Variants in CRELD2 observed in about 807,000 individuals in gnomAD.
CRELD2 encodes the protein CRELD disulfide isomerase 2.
Under a neutral mutation model 48.1 loss-of-function variants are expected in CRELD2, and 33 were observed. That is an observed-to-expected ratio of 0.69 (90% CI 0.52 to 0.92). The LOEUF (loss-of-function observed/expected upper bound fraction) is 0.92. Ranked by LOEUF, CRELD2 falls within the 40% of genes least tolerant of loss-of-function variation. CRELD2 has a pLI of 0.00. For synonymous variants in CRELD2, 220 were observed against 203.9 expected, an observed-to-expected ratio of 1.08 and a Z score of -0.67; for missense variants, 477 against 482.4, an observed-to-expected ratio of 0.99 and a Z score of 0.10.
At chr22:49,919,053 A>C (rs1260548907) in intron 1 of CRELD2, among the ~76,000 whole-genome samples, 155 bp downstream of exon 1, 1 of 126,164 alleles carries the variant, frequency 7.9e-6, no homozygotes, top group South Asian at 2.6e-4. Context: ...GTCGATCCAG[A>C]GTCCCTCCAC....
chr22:49,921,492 A>G, intron 4 of CRELD2, 93 bp from the exon 5 acceptor site: 5 of 1,316,704 alleles, frequency 3.8e-6, no homozygotes, highest in Non-Finnish European at 4.2e-6. Flanking sequence ...TCAGAATCGT[A>G]CAGGGTTTGG....
chr22:49,923,187 T>C (rs7410304), intron 6 of CRELD2, 47 bp from the exon 7 acceptor site: 319,080 of 1,463,808 alleles, frequency 0.22, 39,748 homozygotes, highest in African/African-American at 0.52. Context: ...CCCCGCTCCC[T>C]GGCCGGGCTG....
At chr22:49,920,115 G>T in intron 3 of CRELD2, 41 bp from the exon 4 acceptor site, 1 of 1,321,596 alleles carries the variant, frequency 7.6e-7, no homozygotes, top group Admixed American at 1.7e-5. Flanking sequence ...TTAAAGAACC[G>T]TGTCTGCTGG....
chr22:49,924,015 T>C (rs572820165), intron 7 of CRELD2: 4 of 237,618 alleles, frequency 1.7e-5, no homozygotes, highest in East Asian at 1.2e-4. Flanking sequence ...CTGGAAGCCA[T>C]GCGAGAGGCT....
Position 49,925,388 on chromosome 22 carries a change from A to G in CRELD2, c.869-29A>G, listed in dbSNP as rs775178652. The G allele has an allele frequency of 1.7e-4, 243 of 1,426,842 alleles. 4 individuals carry two copies. The South Asian group carries it at 2.5e-3, about 14-fold the overall frequency. The allele number at this position is 1,426,842 out of a possible 1,614,324, so 88.4% of individuals were successfully genotyped here. ...CGCTGCGCGTCTGCTGAGCAAAGTA[A>G]TTATTAAAACGGAGTCTTTTCATTT... On this transcript the variant is annotated intron_variant, in intron 8 of 9. Coordinates refer to ENST00000328268, the MANE Select transcript of CRELD2 (RefSeq NM_024324.5).
In CRELD2 at chr22:49,924,385, C is replaced by T; in HGVS notation, c.798C>T (p.Cys266=). ...CEECDSSCVG[C]TGEGPGNCKE... is the part of the protein sequence containing the mutation. ...AGTGTGACTCCAGCTGTGTGGGCTGCACAGGGGAAGGCCCAGGAAACTGTA... is the reference window on the plus strand; with the variant it reads ...AGTGTGACTCCAGCTGTGTGGGCTGTACAGGGGAAGGCCCAGGAAACTGTA... Residue 266 remains cysteine, a synonymous_variant, in exon 8 of 10, where the codon TGC becomes TGT. Transcript: ENST00000328268. 1 of 1,612,400 alleles carries T rather than the reference C, an allele frequency of 6.2e-7. No homozygotes were observed. The highest frequency in any genetic ancestry group is 8.5e-7 in the Non-Finnish European group (1 of 1,179,436).
Position 49,920,177 on chromosome 22 carries a change from A to T in CRELD2, c.345A>T (p.Leu115Phe). The T allele has an allele frequency of 6.2e-7, 1 of 1,612,466 alleles. No homozygotes were observed. Among genetic ancestry groups the T allele is most frequent in the Non-Finnish European group, 8.5e-7 (1 of 1,179,042 alleles). The stretch of plus-strand genomic sequence containing the variant: ...TCAGGAAGAGCGAATATCCTGACTT[A>T]TTCGAGTGGTTTTGTGTGAAGACAC... ...WLQLKSEYPD[L>F]FEWFCVKTLK... Residue 115 changes from leucine to phenylalanine, a missense_variant, in exon 4 of 10, where the codon TTA becomes TTT. Leu to Phe is a conservative substitution (Grantham distance 22). Transcript: ENST00000328268.
intron 1 of CRELD2, 40 bp downstream of exon 1, chr22:49,918,938 G>A (rs1362576338): frequency 7.5e-7 from 1 of 1,330,240 alleles, no homozygotes; most frequent in Non-Finnish European, 9.7e-7. Flanking sequence ...CTTGGGCCCG[G>A]GGTCCCCCTC....
At chr22:49,919,031 A>ACCATGGGCCCGGGG in intron 1 of CRELD2, 133 bp downstream of exon 1, 2 of 853,336 alleles carry the variant, frequency 2.3e-6, no homozygotes, top group Non-Finnish European at 3.5e-6. Context: ...TGGATTCGGG[A>ACCATGGGCCCGGGG]TCCCCCTCAC....
intron 7 of CRELD2, chr22:49,923,573 C>A (rs1009210516): frequency 2.5e-5 from 15 of 589,892 alleles, no homozygotes; most frequent in Non-Finnish European, 4.0e-5. Context: ...CTCGTGCCCC[C>A]CCAGCGCCCC....
chr22:49,920,114 C>T (rs770593818), intron 3 of CRELD2, 42 bp from the exon 4 acceptor site: 21 of 1,314,038 alleles, frequency 1.6e-5, no homozygotes, highest in Non-Finnish European at 1.5e-5. Flanking sequence ...TTTAAAGAAC[C>T]GTGTCTGCTG....
At chr22:49,925,363 C>A (rs1444634846) in intron 8 of CRELD2, 54 bp from the exon 9 acceptor site, 5 of 1,129,862 alleles carry the variant, frequency 4.4e-6, no homozygotes, top group East Asian at 4.8e-5. Context: ...TTTCATAATC[C>A]GCTGCGCGTC....
At chr22:49,919,891 A>G (rs1489924727) in intron 3 of CRELD2, 51 bp downstream of exon 3, 1 of 1,344,814 alleles carries the variant, frequency 7.4e-7, no homozygotes, top group Admixed American at 2.0e-5. Context: ...CCAACTTAGA[A>G]TTTGAAATAA....
intron 8 of CRELD2, 174 bp downstream of exon 8, chr22:49,924,629 G>A (rs2060739245): frequency 6.1e-6 from 3 of 493,680 alleles, no homozygotes; most frequent in Non-Finnish European, 1.1e-5. Context: ...CACAGAAGCA[G>A]TGGGGGTGGG....
chr22:49,919,870 C>T lies in CRELD2; in HGVS notation c.323+30C>T, dbSNP rs781143148. On this transcript the variant is annotated intron_variant, in intron 3 of 9. Coordinates refer to ENST00000328268, the MANE Select transcript of CRELD2 (RefSeq NM_024324.5). ...GTGCCTTAAAACCTCTTAGAAGATACTTTTTATTTTCCAACTTAGAATTTG... is the reference window on the plus strand; with the variant it reads ...GTGCCTTAAAACCTCTTAGAAGATATTTTTTATTTTCCAACTTAGAATTTG... 3 of 1,456,876 alleles carry T rather than the reference C, an allele frequency of 2.1e-6. No homozygotes were observed. The South Asian group carries it at 3.6e-5, about 18-fold the overall frequency. 90.2% of individuals were successfully genotyped at this position (1,456,876 alleles called of 1,614,324 possible).
intron 9 of CRELD2, 105 bp from the exon 10 acceptor site, chr22:49,927,150 G>C: frequency 2.9e-6 from 3 of 1,018,360 alleles, no homozygotes; most frequent in Non-Finnish European, 4.7e-6. Flanking sequence ...CTTTGAGCCA[G>C]GACTGGACGG....
Position 49,918,886 on chromosome 22 carries a change from C to A in CRELD2, c.117C>A (p.Asp39Glu). Residue 39 changes from aspartate (D) to glutamate (E), a missense_variant, in exon 1 of 10, where the codon GAC becomes GAA. Transcript: ENST00000328268. ...GCCACCGGTGCCGGGGGCTGGTGGA[C>A]AAGTTTAACCAGGTGGGAAGGGGCC... ...TPCHRCRGLVDKFNQGMVDTA... is the reference protein window; with the variant it reads ...TPCHRCRGLVEKFNQGMVDTA... 1 of 1,293,624 alleles carries A rather than the reference C, an allele frequency of 7.7e-7. No individual in the cohort carries two copies. The highest frequency in any genetic ancestry group is 9.8e-7 in the Non-Finnish European group (1 of 1,021,282). 80.1% of individuals were successfully genotyped at this position (1,293,624 alleles called of 1,614,324 possible).
intron 9 of CRELD2, 95 bp from the exon 10 acceptor site, chr22:49,927,160 G>T (rs2060776625): frequency 3.6e-6 from 4 of 1,118,740 alleles, no homozygotes; most frequent in Middle Eastern, 4.9e-4. Flanking sequence ...GGACTGGACG[G>T]GCAGGCCCTG....
Position 49,919,789 on chromosome 22 carries a change from A to T in CRELD2, c.272A>T (p.Asn91Ile). ...TGCGAGAGCAGCGACTTCGAATGCA[A>T]TCAGATGCTAGAGGCGCAGGAGGAG... ...GLCESSDFEC[N>I]QMLEAQEEHL... The change falls in exon 3 of 10, where the codon AAT (asparagine) becomes ATT (isoleucine). Residue 91 changes from asparagine (N) to isoleucine (I), a missense_variant. Coordinates refer to ENST00000328268, the MANE Select transcript of CRELD2 (RefSeq NM_024324.5). 5 of 1,613,152 alleles carry T rather than the reference A, an allele frequency of 3.1e-6. No homozygotes were observed. Among genetic ancestry groups the T allele is most frequent in the Non-Finnish European group, 4.2e-6 (5 of 1,179,700 alleles).
Sources: allele counts gnomAD v4.1 joint callset (sites outside exome capture counted in the v4.1 genomes callset), GRCh38; gene constraint gnomAD v4.1.1; transcripts MANE v1.5; gene names NCBI Gene and HGNC (gene_info 2026-07-23, HGNC 2026-07-21).